ZBTB8A: variants seen among roughly 807,000 people sequenced by gnomAD.
The protein encoded by ZBTB8A is zinc finger and BTB domain-containing protein 8A.
In ZBTB8A, 19 loss-of-function variants were observed where a neutral mutation model predicts 37.8. That is an observed-to-expected ratio of 0.50 (90% CI 0.35 to 0.74). ZBTB8A has a LOEUF of 0.74. Among genes scored for constraint, ZBTB8A ranks in the 30% least tolerant of loss-of-function variants. The pLI is 0.01. For synonymous variants in ZBTB8A, 181 were observed against 185.2 expected (o/e 0.98, Z 0.19); for missense variants, 394 against 537.8 (o/e 0.73, Z 2.65).
intron 1 of ZBTB8A, among the ~76,000 whole-genome samples, chr1:32,552,482 G>A (rs921370132): frequency 2.0e-5 from 3 of 152,094 alleles, no homozygotes; most frequent in Non-Finnish European, 4.4e-5. Flanking sequence ...TGGCCAACAC[G>A]GAAAAACTCC....
At chr1:32,559,156 G>T (rs1158837652) in intron 2 of ZBTB8A, among the ~76,000 whole-genome samples, 1 of 152,146 alleles carries the variant, frequency 6.6e-6, no homozygotes, top group African/African-American at 2.4e-5. Flanking sequence ...CTGCCACCCA[G>T]GCTGGAGTGC....
intron 2 of ZBTB8A, among the ~76,000 whole-genome samples, chr1:32,571,917 T>G (rs986129204): frequency 4.6e-5 from 7 of 151,916 alleles, no homozygotes; most frequent in Non-Finnish European, 7.4e-5. Context: ...TTGTTTGTTT[T>G]TTTTGAGACG....
At chr1:32,597,487 C>A (rs549378325) in intron 4 of ZBTB8A, among the ~76,000 whole-genome samples, 2 of 152,286 alleles carry the variant, frequency 1.3e-5, no homozygotes, top group South Asian at 4.1e-4. Context: ...TGTCCTTGTT[C>A]TCTGGCTCCA....
intron 2 of ZBTB8A, among the ~76,000 whole-genome samples, chr1:32,563,791 A>C (rs1299150876): frequency 6.6e-6 from 1 of 151,996 alleles, no homozygotes; most frequent in Non-Finnish European, 1.5e-5. Context: ...CCTAAGGATA[A>C]TTTATTTTAG....
intron 3 of ZBTB8A, among the ~76,000 whole-genome samples, chr1:32,594,425 T>C (rs1644513728): frequency 6.6e-6 from 1 of 151,990 alleles, no homozygotes; most frequent in Non-Finnish European, 1.5e-5. Flanking sequence ...AAATAGTTTT[T>C]TTTTTTCCTG....
At chr1:32,565,522 G>C (rs573577469) in intron 2 of ZBTB8A, among the ~76,000 whole-genome samples, 30 of 151,990 alleles carry the variant, frequency 2.0e-4, no homozygotes, top group Non-Finnish European at 4.3e-4. Context: ...GGGCGTGGTG[G>C]CATGCCCTGT....
intron 2 of ZBTB8A, among the ~76,000 whole-genome samples, chr1:32,561,652 C>T (rs1374844450): frequency 6.6e-6 from 1 of 152,022 alleles, no homozygotes; most frequent in Non-Finnish European, 1.5e-5. Context: ...CTTCCTTGGC[C>T]TCCCAAAGTG....
rs754697776 is a variant in ZBTB8A, at chr1:32,600,237, G to A, written c.1144G>A (p.Glu382Lys). 71 of 1,614,006 alleles carry A rather than the reference G, an allele frequency of 4.4e-5. No individual in the cohort carries two copies. Among genetic ancestry groups the A allele is most frequent in the Non-Finnish European group, 5.8e-5 (68 of 1,180,018 alleles). Residue 382 changes from glutamate to lysine, a missense_variant, in exon 5 of 5, where the codon GAA (glutamate) becomes AAA (lysine). By Grantham distance (56) the Glu-to-Lys change is moderately conservative (BLOSUM62 1). Around this residue, in one of 4 missense-constraint regions of ZBTB8A, gnomAD observed 85 missense variants for 89.0 expected, o/e 0.95. Transcript: ENST00000373510. ...CATAGACAGCCTCCCCATTGACTTG[G>A]AAGCTGAACAACATCTTATGTCCCC... ...FGIDSLPIDL[E>K]AEQHLMSPSD...
chr1:32,595,094 A>G lies in ZBTB8A; in HGVS notation c.864A>G (p.Thr288=). 2 of 1,614,226 alleles carry G rather than the reference A, an allele frequency of 1.2e-6. No individual in the cohort carries two copies. The highest frequency in any genetic ancestry group is 1.7e-6 in the Non-Finnish European group (2 of 1,180,026). Residue 288 remains threonine (T), a synonymous_variant, in exon 4 of 5, where the codon ACA becomes ACG. Transcript: ENST00000373510. ...TGCGATTCAAGTGCCCGTACTGCAC[A>G]CATGTGGTGAAGCGGAAGGCAGACC... is the stretch of plus-strand genomic sequence containing the variant. The part of the protein sequence containing the change: ...PRMRFKCPYC[T]HVVKRKADLK...
intron 2 of ZBTB8A, among the ~76,000 whole-genome samples, chr1:32,582,092 CAG>C (rs1339515096): frequency 6.6e-6 from 1 of 152,046 alleles, no homozygotes; most frequent in Non-Finnish European, 1.5e-5. Flanking sequence ...TCAAAGAGAA[CAG>C]AGGAATTATT....
intron 4 of ZBTB8A, among the ~76,000 whole-genome samples, chr1:32,597,591 G>A (rs568961151): frequency 1.3e-5 from 2 of 152,268 alleles, no homozygotes; most frequent in Admixed American, 6.5e-5. Flanking sequence ...TGAAATTAGA[G>A]CCCAAAGTCT....
At chr1:32,569,576 TAG>T (rs1408629693) in intron 2 of ZBTB8A, among the ~76,000 whole-genome samples, 1 of 151,702 alleles carries the variant, frequency 6.6e-6, no homozygotes, top group Non-Finnish European at 1.5e-5. Context: ...GTATTTTTAG[TAG>T]AGACGTTGTT....
At chr1:32,554,085 AG>A (rs1425375666) in intron 2 of ZBTB8A, among the ~76,000 whole-genome samples, 1 of 150,498 alleles carries the variant, frequency 6.6e-6, no homozygotes, top group Non-Finnish European at 1.5e-5. Context: ...CTATAATCCC[AG>A]GTGCTTGTGA....
intron 2 of ZBTB8A, among the ~76,000 whole-genome samples, chr1:32,577,067 G>T (rs1183833802): frequency 6.8e-6 from 1 of 147,992 alleles, no homozygotes; most frequent in Non-Finnish European, 1.5e-5. Context: ...TAAAGACAGG[G>T]TTTCACCATG....
chr1:32,571,700 A>C (rs1360935860), intron 2 of ZBTB8A, among the ~76,000 whole-genome samples: 1 of 151,552 alleles, frequency 6.6e-6, no homozygotes, highest in East Asian at 1.9e-4. Flanking sequence ...TCAGCGTCCC[A>C]AATAGCTGGT....
intron 2 of ZBTB8A, among the ~76,000 whole-genome samples, chr1:32,576,785 C>T (rs1570348829): frequency 6.6e-6 from 1 of 151,744 alleles, no homozygotes; most frequent in African/African-American, 2.4e-5. Context: ...GTTTGATCTC[C>T]ATCTCCTGAC....
intron 2 of ZBTB8A, among the ~76,000 whole-genome samples, chr1:32,571,637 C>T (rs1644323268): frequency 6.6e-6 from 1 of 151,822 alleles, no homozygotes; most frequent in African/African-American, 2.4e-5. Flanking sequence ...TGCAATGGTG[C>T]GATCTTGGCT....
rs1644106792 is a variant in ZBTB8A at position 32,546,652 on chromosome 1, T to C, written c.-83-6807T>C. ...GTCTCAAGAATTTAAAAAAGGAAAATATACTTCTGTGGAGTTCAGAACAAT... is the reference window on the plus strand; with the variant it reads ...GTCTCAAGAATTTAAAAAAGGAAAACATACTTCTGTGGAGTTCAGAACAAT... On this transcript the variant is annotated intron_variant, in intron 1 of 4. Coordinates refer to ENST00000373510, the MANE Select transcript of ZBTB8A (RefSeq NM_001040441.3). 2.0e-5 allele frequency among the ~76,000 whole-genome samples: 3 copies of C among 151,928 alleles called. No individual in the cohort carries two copies. In the South Asian group the frequency reaches 6.2e-4, roughly 32 times the overall value.
chr1:32,567,241 A>C (rs1258848736), intron 2 of ZBTB8A, among the ~76,000 whole-genome samples: 1 of 152,112 alleles, frequency 6.6e-6, no homozygotes, highest in Non-Finnish European at 1.5e-5. Flanking sequence ...ACTTTTAAAC[A>C]ACCAGATCTC....
Sources: gnomAD v4.1 joint callset for allele counts (sites outside exome capture counted in the v4.1 genomes callset) on GRCh38, gnomAD v4.1.1 for gene constraint, gnomAD v4.1.1 regional missense constraint, MANE v1.5 for transcripts, NCBI Gene and HGNC (gene_info 2026-07-23, HGNC 2026-07-21) for gene names.